Variants in ABLIM1 observed in about 807,000 individuals in gnomAD.
The protein encoded by ABLIM1 is actin-binding LIM protein 1.
ABLIM1 carries 40 observed loss-of-function variants against 107.0 expected under a neutral mutation model. That is an observed-to-expected ratio of 0.37 (90% CI 0.29 to 0.49). The LOEUF (loss-of-function observed/expected upper bound fraction) is 0.49. ABLIM1 is among the 20% of genes least tolerant of loss of function. ABLIM1 has a pLI of 0.97. For missense variants in ABLIM1, 857 were observed against 1,008.5 expected (o/e 0.85, Z 2.04); for synonymous variants, 357 against 357.3 (o/e 1.00, Z 0.01).
chr10:114,529,126 C>CTT (rs548411103), intron 6 of ABLIM1, among the ~76,000 whole-genome samples: 16 of 140,354 alleles, frequency 1.1e-4, no homozygotes, highest in South Asian at 2.3e-4. Flanking sequence ...TCTTCATCCT[C>CTT]TTTTTTTTTT....
chr10:114,679,371 A>C (rs1008146844), intron 1 of ABLIM1, among the ~76,000 whole-genome samples: 38 of 152,030 alleles, frequency 2.5e-4, no homozygotes, highest in African/African-American at 8.7e-4. Context: ...GTGGTGGCTC[A>C]TGTCTGTAAT....
At chr10:114,440,023 G>A (rs2059970982) in intron 20 of ABLIM1, 59 bp downstream of exon 20, 6 of 1,613,266 alleles carry the variant, frequency 3.7e-6, no homozygotes, top group Non-Finnish European at 5.1e-6. Flanking sequence ...AGCAGTCTGG[G>A]TTGGAACATG....
At chr10:114,718,590 C>T (rs954232505) in intron 1 of ABLIM1, among the ~76,000 whole-genome samples, 15 of 152,080 alleles carry the variant, frequency 9.9e-5, no homozygotes, top group Non-Finnish European at 1.8e-4. Flanking sequence ...TCCCTGGGAC[C>T]CATAATTAAC....
intron 5 of ABLIM1, among the ~76,000 whole-genome samples, chr10:114,545,688 G>A (rs1233268144): frequency 3.3e-5 from 5 of 152,082 alleles, no homozygotes; most frequent in African/African-American, 1.2e-4. Flanking sequence ...ACTTTGGGAG[G>A]CTGAGGTGGG....
chr10:114,711,487 G>A (rs935206708), intron 1 of ABLIM1, among the ~76,000 whole-genome samples: 29 of 152,180 alleles, frequency 1.9e-4, no homozygotes, highest in Admixed American at 1.5e-3. Flanking sequence ...AACACCAGGC[G>A]TGCCAGCCCC....
chr10:114,583,458 CACACACACACATATATATATATAT>C (rs2073781771), intron 2 of ABLIM1, among the ~76,000 whole-genome samples: 10 of 11,628 alleles, frequency 8.6e-4, no homozygotes, highest in East Asian at 3.9e-3. Flanking sequence ...CACACACACA[CACACACACACATATATATATATAT>C]ATATATATAT....
intron 17 of ABLIM1, 87 bp from the exon 18 acceptor site, chr10:114,441,873 A>G: frequency 8.2e-7 from 1 of 1,224,198 alleles, no homozygotes; most frequent in Non-Finnish European, 1.2e-6. Flanking sequence ...TCTACCTCAC[A>G]GGATAGAAAT....
intron 1 of ABLIM1, chr10:114,767,974 C>G: frequency 2.5e-6 from 1 of 402,844 alleles, no homozygotes; most frequent in Non-Finnish European, 4.9e-6. Context: ...GGGCTGGGGC[C>G]GGCGCGGCTG....
chr10:114,742,930 TA>T (rs1566294402), intron 1 of ABLIM1, among the ~76,000 whole-genome samples: 1 of 151,754 alleles, frequency 6.6e-6, no homozygotes. Flanking sequence ...CTCAAAAAAA[TA>T]AAAAAATAAA....
chr10:114,734,663 C>T (rs2082143653), intron 1 of ABLIM1, among the ~76,000 whole-genome samples: 1 of 152,148 alleles, frequency 6.6e-6, no homozygotes, highest in African/African-American at 2.4e-5. Flanking sequence ...AGGTTGTGTG[C>T]TTTCCTGCCC....
chr10:114,713,562 C>T (rs1355391000), intron 1 of ABLIM1, among the ~76,000 whole-genome samples: 2 of 152,162 alleles, frequency 1.3e-5, no homozygotes, highest in Non-Finnish European at 2.9e-5. Context: ...AGGCTTCTAA[C>T]CTACCATTTC....
the ABLIM1 span, among the ~76,000 whole-genome samples, chr10:114,782,867 G>C: frequency 1.3e-5 from 2 of 152,124 alleles, no homozygotes; most frequent in East Asian, 3.8e-4. Context: ...CGATGGATTA[G>C]ACATGAGGCT....
Position 114,631,968 on chromosome 10 carries a change from C to G in ABLIM1, c.244+25989G>C, listed in dbSNP as rs913563436. On this transcript the variant is annotated intron_variant, in intron 1 of 22. Transcript: ENST00000533213. ...GACTGAAGAAGGAACGAGGAATAAA[C>G]TCTGGGAGTGGAAGCGCGCCTCGGC... 19 of 1,303,002 alleles carry G rather than the reference C, an allele frequency of 1.5e-5. No individual in the cohort carries two copies. In the Admixed American group the frequency reaches 3.9e-4, roughly 27 times the overall value. 80.7% of individuals were successfully genotyped at this position (1,303,002 alleles called of 1,614,324 possible).
At chr10:114,674,076 G>A (rs541494182) in intron 1 of ABLIM1, among the ~76,000 whole-genome samples, 5 of 152,162 alleles carry the variant, frequency 3.3e-5, no homozygotes, top group African/African-American at 9.6e-5. Context: ...GGTCACTTGA[G>A]GTCAAGAGTT....
chr10:114,766,006 A>G (rs991510378), intron 1 of ABLIM1, among the ~76,000 whole-genome samples: 2 of 152,208 alleles, frequency 1.3e-5, no homozygotes, highest in Admixed American at 6.5e-5. Context: ...GTCTATTACA[A>G]TATTTGAAGG....
intron 5 of ABLIM1, among the ~76,000 whole-genome samples, chr10:114,546,239 C>T (rs1332964941): frequency 2.0e-5 from 3 of 151,942 alleles, no homozygotes; most frequent in Non-Finnish European, 4.4e-5. Context: ...AAGCCAGGCA[C>T]CTGTCTTATT....
At position 114,721,193 on chromosome 10, in the gene ABLIM1, A is replaced by C. The variant is rs539763099; in HGVS notation, c.-213+46868T>G. Among the ~76,000 whole-genome samples, 99 of 152,210 alleles carry C rather than the reference A, an allele frequency of 6.5e-4. 3 individuals are homozygous for C. The South Asian group carries it at 0.02, about 30-fold the overall frequency. ...GATTAACTGTGTTTTTTTTCCAAAC[A>C]CGTTACTGGCGTGATCCCTTTGGGG... On this transcript the variant is annotated intron_variant, in intron 1 of 15. Transcript: ENST00000651092.
At chr10:114,789,492 T>C in the ABLIM1 span, among the ~76,000 whole-genome samples, 2 of 152,162 alleles carry the variant, frequency 1.3e-5, no homozygotes, top group Non-Finnish European at 2.9e-5. Flanking sequence ...TTGGGGTACA[T>C]GTACAGGATT....
intron 20 of ABLIM1, 155 bp from the exon 21 acceptor site, chr10:114,439,405 C>T: frequency 1.3e-6 from 1 of 787,744 alleles, no homozygotes; most frequent in East Asian, 2.7e-5. Context: ...AAATGAGATC[C>T]TTGCTGTATA....
Sources: gnomAD v4.1 joint callset for allele counts (sites outside exome capture counted in the v4.1 genomes callset) on GRCh38, gnomAD v4.1.1 for gene constraint, MANE v1.5 for transcripts, NCBI Gene and HGNC (gene_info 2026-07-23, HGNC 2026-07-21) for gene names.